GGA2: variants seen among roughly 807,000 people sequenced by gnomAD.
GGA2 encodes the protein ADP-ribosylation factor-binding protein GGA2.
In GGA2, 48 loss-of-function variants were observed where a neutral mutation model predicts 79.5. The ratio of observed to expected loss-of-function variants is 0.60; its 90% CI spans 0.48 to 0.77. The LOEUF is 0.77. GGA2 is among the 30% of genes least tolerant of loss of function. GGA2 has a pLI of 0.00. For synonymous variants in GGA2, 317 were observed against 302.0 expected, an observed-to-expected ratio of 1.05 and a Z score of -0.51; for missense variants, 770 against 774.0, an observed-to-expected ratio of 0.99 and a Z score of 0.06.
At chr16:23,479,082 G>A (rs756527346) in intron 11 of GGA2, 171 bp from the exon 12 acceptor site, 2 of 642,824 alleles carry the variant, frequency 3.1e-6, no homozygotes, top group South Asian at 3.5e-5. Context: ...TATGCAAGGG[G>A]GACCCTCTGA....
At chr16:23,492,465 T>TA (rs1192535084) in intron 4 of GGA2, among the ~76,000 whole-genome samples, 2 of 151,678 alleles carry the variant, frequency 1.3e-5, no homozygotes, top group South Asian at 2.1e-4. Context: ...CAATGATGTG[T>TA]AAAAAAACAA....
Position 23,464,438 on chromosome 16 carries a change from G to A in GGA2, c.*3152C>T, listed in dbSNP as rs1596970418. On this transcript the variant is annotated 3_prime_UTR_variant, in exon 17 of 17. Transcript: ENST00000309859. The stretch of plus-strand genomic sequence containing the variant: ...ACTTGAATTTGATCCCATAAAGTCA[G>A]GCATCAGGAAGCCATTCAGAATTTT... The A allele has an allele frequency of 6.6e-6, 1 of 152,066 alleles. No homozygotes were observed. Among genetic ancestry groups the A allele is most frequent in the African/African-American group, 2.4e-5 (1 of 41,382 alleles). 9.4% of individuals were successfully genotyped at this position (152,066 alleles called of 1,614,324 possible).
rs565717649 is a variant in GGA2, at chr16:23,466,579, A to G, written c.*1011T>C. The G allele has an allele frequency of 1.3e-5, 2 of 151,768 alleles. No homozygotes were observed. Among genetic ancestry groups the G allele is most frequent in the South Asian group, 2.1e-4 (1 of 4,800 alleles). The allele number at this position is 151,768 out of a possible 1,614,324, so 9.4% of individuals were successfully genotyped here. ...GCTTTCCATTTTCCACTTACTCAAC[A>G]CTCCACAAAGTACACTTGCTACATG... is the stretch of plus-strand genomic sequence containing the variant. On this transcript the variant is annotated 3_prime_UTR_variant, in exon 17 of 17. Coordinates refer to ENST00000309859, the MANE Select transcript of GGA2 (RefSeq NM_015044.4).
chr16:23,514,281 A>AT (rs1262378123), upstream of GGA2, among the ~76,000 whole-genome samples: 2 of 151,602 alleles, frequency 1.3e-5, no homozygotes, highest in Admixed American at 1.3e-4. Context: ...TAATTTTGGA[A>AT]TTTTTTTGTA....
chr16:23,473,770 TA>T, intron 14 of GGA2, among the ~76,000 whole-genome samples: 1 of 152,370 alleles, frequency 6.6e-6, no homozygotes, highest in East Asian at 1.9e-4. Context: ...ACCCTTCATG[TA>T]GCTTCCCCAG....
upstream of GGA2, among the ~76,000 whole-genome samples, chr16:23,513,073 T>A (rs889572337): frequency 3.3e-5 from 5 of 152,176 alleles, no homozygotes; most frequent in African/African-American, 1.2e-4. Context: ...GGACCCGGCT[T>A]TCCACATTTC....
At chr16:23,518,920 C>T (rs1188119449) in intron 2 of GGA2, among the ~76,000 whole-genome samples, 1 of 151,426 alleles carries the variant, frequency 6.6e-6, no homozygotes, top group African/African-American at 2.4e-5. Context: ...TAAATATGTA[C>T]AAATATATAA....
At chr16:23,524,215 A>G, upstream of GGA2, 2 of 702,744 alleles carry the variant, frequency 2.8e-6, no homozygotes, top group Non-Finnish European at 5.0e-6. Context: ...CCTGTGGTGG[A>G]TCACAAATGC....
intron 7 of GGA2, 88 bp downstream of exon 7, chr16:23,486,622 C>T: frequency 1.2e-6 from 1 of 829,246 alleles, no homozygotes. Context: ...GCAACCGTTC[C>T]TCTACCCCTC....
chr16:23,486,656 C>T (rs1964716809), intron 7 of GGA2, 54 bp downstream of exon 7: 1 of 1,001,174 alleles, frequency 1.0e-6, no homozygotes, highest in Non-Finnish European at 1.6e-6. Flanking sequence ...TATGCACTGT[C>T]CTTCAGCCTC....
upstream of GGA2, among the ~76,000 whole-genome samples, chr16:23,512,972 C>T (rs1041134404): frequency 2.0e-5 from 3 of 151,900 alleles, no homozygotes; most frequent in Non-Finnish European, 2.9e-5. Context: ...CCCAAAGTGT[C>T]GGAATTACAG....
At chr16:23,496,871 T>C (rs1031736769) in intron 1 of GGA2, among the ~76,000 whole-genome samples, 18 of 150,008 alleles carry the variant, frequency 1.2e-4, no homozygotes, top group Admixed American at 1.0e-3. Flanking sequence ...GGCAGGAAAA[T>C]TGCCTGAACC....
intron 2 of GGA2, among the ~76,000 whole-genome samples, chr16:23,516,007 A>T (rs1249370198): frequency 2.4e-5 from 2 of 84,224 alleles, no homozygotes; most frequent in East Asian, 6.1e-4. Flanking sequence ...ATCACCTCTG[A>T]CCTATTTTTT....
At chr16:23,508,853 C>T (rs1227329553) in intron 1 of GGA2, among the ~76,000 whole-genome samples, 1 of 152,170 alleles carries the variant, frequency 6.6e-6, no homozygotes, top group Non-Finnish European at 1.5e-5. Flanking sequence ...CCTAAACCAG[C>T]TCCTCCTCAC....
At chr16:23,500,705 A>G (rs1964911804) in intron 1 of GGA2, among the ~76,000 whole-genome samples, 1 of 152,260 alleles carries the variant, frequency 6.6e-6, no homozygotes, top group Admixed American at 6.5e-5. Context: ...CCCTGCAGCT[A>G]TAACATCACG....
At chr16:23,492,386 T>G (rs1204843391) in intron 4 of GGA2, among the ~76,000 whole-genome samples, 1 of 152,022 alleles carries the variant, frequency 6.6e-6, no homozygotes, top group East Asian at 1.9e-4. Context: ...AGAGATTGAG[T>G]TCAACTATGT....
At chr16:23,518,348 A>G (rs1965115626) in intron 2 of GGA2, among the ~76,000 whole-genome samples, 1 of 152,148 alleles carries the variant, frequency 6.6e-6, no homozygotes, top group African/African-American at 2.4e-5. Context: ...AGCTGGGACC[A>G]CAAGTGCTCA....
intron 1 of GGA2, among the ~76,000 whole-genome samples, chr16:23,497,987 A>T (rs1964877104): frequency 6.6e-6 from 1 of 152,180 alleles, no homozygotes; most frequent in African/African-American, 2.4e-5. Context: ...TTTTAAAAAA[A>T]ATTAGTCAGA....
chr16:23,474,190 T>C (rs1291869943), intron 14 of GGA2, among the ~76,000 whole-genome samples: 2 of 152,210 alleles, frequency 1.3e-5, no homozygotes, highest in Non-Finnish European at 2.9e-5. Flanking sequence ...GAATTCTACC[T>C]CTTGCCAGTC....
Sources: allele counts gnomAD v4.1 joint callset (sites outside exome capture counted in the v4.1 genomes callset), GRCh38; gene constraint gnomAD v4.1.1; transcripts MANE v1.5; gene names NCBI Gene and HGNC (gene_info 2026-07-23, HGNC 2026-07-21).